The following TUBA1B variants were observed in gnomAD, a reference collection of about 807,000 sequenced individuals.
TUBA1B encodes the protein tubulin alpha-1B chain.
A neutral mutation model predicts 34.4 loss-of-function variants in TUBA1B; 1 was observed. That is an observed-to-expected ratio of 0.03 (90% CI 0.01 to 0.14). TUBA1B has a LOEUF of 0.14. Among genes scored for constraint, TUBA1B ranks in the 10% least tolerant of loss-of-function variants. The probability of loss-of-function intolerance (pLI) is 1.00; values close to 1 mark genes in which losing one functional copy is unlikely to be tolerated. For synonymous variants in TUBA1B, 197 were observed against 212.5 expected (o/e 0.93, Z 0.64); for missense variants, 54 against 583.6 (o/e 0.09, Z 9.35).
At position 49,128,101 on chromosome 12, in the gene TUBA1B, C is replaced by T; in HGVS notation, c.1213G>A (p.Val405Ile). ...FDLMYAKRAF[V>I]HWYVGEGMEE... The stretch of plus-strand genomic sequence containing the variant: ...ATCCCCTCACCCACGTACCAGTGAA[C>T]AAAGGCACGCTTGGCATACATCAGG... The change falls in exon 4 of 4, where the codon GTT becomes ATT. Residue 405 changes from valine (V) to isoleucine (I), a missense_variant. Physicochemically the swap from Val to Ile is conservative, Grantham distance 29 (BLOSUM62 3). Transcript: ENST00000336023. This position sits in a 1 kb window ranked among gnomAD's most constrained non-coding sequence, Gnocchi z 8.1. 2 of 1,614,218 alleles carry T rather than the reference C, an allele frequency of 1.2e-6. No homozygotes were observed. The highest frequency in any genetic ancestry group is 1.7e-6 in the Non-Finnish European group (2 of 1,180,054).
intron 1 of TUBA1B, chr12:49,130,988 G>T (rs1026385458): frequency 6.0e-6 from 2 of 331,588 alleles, no homozygotes; most frequent in South Asian, 4.0e-5. Flanking sequence ...GCGGGGACTC[G>T]AGGGACCGCA....
intron 3 of TUBA1B, 78 bp from the exon 4 acceptor site, chr12:49,129,016 T>C: frequency 1.3e-6 from 2 of 1,529,458 alleles, no homozygotes; most frequent in Non-Finnish European, 1.8e-6. Flanking sequence ...CTTTTTAGAT[T>C]ACGAACCATA....
intron 1 of TUBA1B, chr12:49,130,381 G>C (rs1393605635): frequency 2.3e-6 from 3 of 1,287,094 alleles, no homozygotes. Context: ...CCGGGCGCGC[G>C]CTCTTGCGCC....
chr12:49,131,067 C>G, intron 1 of TUBA1B: 3 of 518,896 alleles, frequency 5.8e-6, no homozygotes, highest in Non-Finnish European at 1.1e-5. Context: ...CCCCCCATCC[C>G]TTCCAGAGTC....
chr12:49,130,839 A>C, intron 1 of TUBA1B: 2 of 166,778 alleles, frequency 1.2e-5, no homozygotes, highest in Non-Finnish European at 2.7e-5. Flanking sequence ...AGCGGCGGGA[A>C]GGTAACGGTC....
At position 49,129,773 on chromosome 12, in the gene TUBA1B, G is replaced by C. The variant is rs767929499; in HGVS notation, c.4-51C>G. The C allele has an allele frequency of 3.1e-6, 5 of 1,611,918 alleles. No homozygotes were observed. The African/African-American group carries it at 5.3e-5, about 17-fold the overall frequency. ...AATTTAAACCAATCTATTGATGACT[G>C]TCAAGTGGAACAAAATACTCATGCA... On this transcript the variant is annotated intron_variant, in intron 1 of 3. Transcript: ENST00000336023.
Position 49,131,203 on chromosome 12 carries a change from C to T in TUBA1B, c.3+95G>A. 3 of 1,499,178 alleles carry T rather than the reference C, an allele frequency of 2.0e-6. No homozygotes were observed. In the South Asian group the frequency reaches 3.6e-5, roughly 18 times the overall value. The allele number at this position is 1,499,178 out of a possible 1,614,324, so 92.9% of individuals were successfully genotyped here. On this transcript the variant is annotated intron_variant, in intron 1 of 3. Transcript: ENST00000336023. ...CCCTCCAAACGGACGGCTCTGAGGC[C>T]AGCCCTTCCCGGCTGTATACAGGGC... is the stretch of plus-strand genomic sequence containing the variant.
In TUBA1B at chr12:49,129,740, GAT is replaced by G. The variant is rs34070757; in HGVS notation, c.4-20_4-19del. The G allele has an allele frequency of 0.34, 543,538 of 1,612,602 alleles. 98,766 individuals are homozygous for G. Among genetic ancestry groups the G allele is most frequent in the East Asian group, 0.71 (31,744 of 44,830 alleles). On this transcript the variant is annotated intron_variant, in intron 1 of 3. Coordinates refer to ENST00000336023, the MANE Select transcript of TUBA1B (RefSeq NM_006082.3). Reference sequence around the variant, plus strand: ...CACTCACGCTGCGGGAAGGAAAAAAGATATCACAATTTAAACCAATCTATTGA... The same window carrying G: ...CACTCACGCTGCGGGAAGGAAAAAAGATCACAATTTAAACCAATCTATTGA...
chr12:49,129,984 G>T lies in TUBA1B; in HGVS notation c.4-262C>A, dbSNP rs900881934. On this transcript the variant is annotated intron_variant, in intron 1 of 3. Transcript: ENST00000336023. ...TTTTGTGGAGATGAGGTCTGGCTGT[G>T]TTACCTAGGCTACTCACGTAATCTG... The T allele has an allele frequency of 5.9e-5, 59 of 1,003,938 alleles. No homozygotes were observed. The African/African-American group carries it at 9.5e-4, about 16-fold the overall frequency. The allele number at this position is 1,003,938 out of a possible 1,614,324, so 62.2% of individuals were successfully genotyped here. A position where few individuals can be genotyped will look rare whatever the true frequency, so the allele number is the denominator to read the frequency against.
intron 1 of TUBA1B, chr12:49,130,192 C>T: frequency 7.9e-7 from 1 of 1,260,028 alleles, no homozygotes; most frequent in Non-Finnish European, 1.0e-6. Context: ...TTTGGAGGAC[C>T]AAGACAGGAA....
chr12:49,130,132 A>C, intron 1 of TUBA1B: 1 of 1,198,044 alleles, frequency 8.3e-7, no homozygotes, highest in Non-Finnish European at 1.1e-6. Context: ...CCCATCCTAA[A>C]CCGGGAAGGC....
At chr12:49,129,919 C>A (rs1218056499) in intron 1 of TUBA1B, 197 bp from the exon 2 acceptor site, 20 of 1,105,404 alleles carry the variant, frequency 1.8e-5, no homozygotes, top group Admixed American at 2.8e-5. Flanking sequence ...CAGCTGGGAC[C>A]ACAGGCACAG....
Position 49,127,798 on chromosome 12 carries a change from T to C in TUBA1B, c.*160A>G. 4.2e-6 allele frequency: 5 copies of C among 1,194,632 alleles called. No individual in the cohort carries two copies. Among genetic ancestry groups the C allele is most frequent in the Non-Finnish European group, 5.9e-6 (5 of 854,348 alleles). The allele number at this position is 1,194,632 out of a possible 1,614,324, so 74.0% of individuals were successfully genotyped here. On this transcript the variant is annotated 3_prime_UTR_variant, in exon 4 of 4. Coordinates refer to ENST00000336023, the MANE Select transcript of TUBA1B (RefSeq NM_006082.3). ...AAACAAAGCTTTTGATGTTAATGAC[T>C]TTACTTTGAGATATGATGGAAAAAT... is the stretch of plus-strand genomic sequence containing the variant.
At chr12:49,130,286 AG>A (rs1264820370) in intron 1 of TUBA1B, 10 of 1,289,092 alleles carry the variant, frequency 7.8e-6, no homozygotes, top group Non-Finnish European at 1.0e-5. Context: ...TAGCACAGGA[AG>A]CACGTGGCCA....
At position 49,127,932 on chromosome 12, in the gene TUBA1B, G is replaced by A. The variant is rs547878037; in HGVS notation, c.*26C>T. ...AGCTGAAATTCTGGGAGCATGACAT[G>A]CTGCAGGGCCAAAAGGAATGGATAA... On this transcript the variant is annotated 3_prime_UTR_variant, in exon 4 of 4. Coordinates refer to ENST00000336023, the MANE Select transcript of TUBA1B (RefSeq NM_006082.3). 1 of 1,613,990 alleles carries A rather than the reference G, an allele frequency of 6.2e-7. No individual in the cohort carries two copies. The highest frequency in any genetic ancestry group is 2.2e-5 in the East Asian group (1 of 44,894).
At chr12:49,129,769 G>A (rs533488083) in intron 1 of TUBA1B, 47 bp from the exon 2 acceptor site, 1 of 1,612,710 alleles carries the variant, frequency 6.2e-7, no homozygotes, top group Non-Finnish European at 8.5e-7. Context: ...ATCTATTGAT[G>A]ACTGTCAAGT....
chr12:49,130,705 C>CATCAAAAAA, intron 1 of TUBA1B: 1 of 199,888 alleles, frequency 5.0e-6, no homozygotes, highest in Admixed American at 5.4e-5. Flanking sequence ...AGCTCTTCCG[C>CATCAAAAAA]AGTCCTCTTA....
At chr12:49,130,357 A>G (rs1159788891) in intron 1 of TUBA1B, 4 of 1,289,060 alleles carry the variant, frequency 3.1e-6, no homozygotes, top group South Asian at 1.2e-5. Context: ...GCGGCACAGG[A>G]TGAATGAGCA....
intron 1 of TUBA1B, 196 bp downstream of exon 1, chr12:49,131,102 G>C (rs1043915141): frequency 3.5e-6 from 2 of 574,888 alleles, no homozygotes; most frequent in African/African-American, 3.8e-5. Context: ...GGCGCCCCTC[G>C]ACCTTTCCGG....
Sources: gnomAD v4.1 joint callset for allele counts on GRCh38, gnomAD v4.1.1 for gene constraint, Gnocchi (gnomAD v3.1) non-coding constraint, MANE v1.5 for transcripts, NCBI Gene and HGNC (gene_info 2026-07-23, HGNC 2026-07-21) for gene names.